FBXO34: variants seen among roughly 807,000 people sequenced by gnomAD.
FBXO34 encodes F-box only protein 34.
FBXO34 carries 12 observed loss-of-function variants against 24.5 expected under a neutral mutation model. The ratio of observed to expected loss-of-function variants is 0.49; its 90% CI spans 0.31 to 0.79. The LOEUF (loss-of-function observed/expected upper bound fraction) is 0.79. Ranked by LOEUF, FBXO34 falls within the 30% of genes least tolerant of loss-of-function variation. The pLI, the probability that FBXO34 is intolerant of heterozygous loss-of-function variation, is 0.04. For synonymous variants in FBXO34, 320 were observed against 311.9 expected (o/e 1.03, Z -0.27); for missense variants, 823 against 857.7 (o/e 0.96, Z 0.51).
chr14:55,369,700 C>G (rs762239984), downstream of FBXO34: 5 of 1,606,212 alleles, frequency 3.1e-6, no homozygotes, highest in Admixed American at 1.7e-5. Flanking sequence ...CACTGCTGCT[C>G]GCGATGGGTG....
chr14:55,367,759 C>CGGTG (rs1566574844), exon 3 of FBXO34: 6 of 151,536 alleles, frequency 4.0e-5, no homozygotes, highest in Non-Finnish European at 8.8e-5. Flanking sequence ...AAAAAAAAGA[C>CGGTG]CACCCACAAC....
At chr14:55,437,024 C>T in the FBXO34 span, 8 of 1,612,306 alleles carry the variant, frequency 5.0e-6, no homozygotes, top group Admixed American at 8.3e-5. Flanking sequence ...CCATCCTAGG[C>T]AGTTCCCAAA....
At chr14:55,374,872 A>G (rs1884889129), downstream of FBXO34, among the ~76,000 whole-genome samples, 1 of 152,192 alleles carries the variant, frequency 6.6e-6, no homozygotes, top group Non-Finnish European at 1.5e-5. Flanking sequence ...ACCTATTTGC[A>G]TGCTAACAGC....
At chr14:55,416,989 T>A in the FBXO34 span, among the ~76,000 whole-genome samples, 2 of 152,162 alleles carry the variant, frequency 1.3e-5, no homozygotes, top group African/African-American at 4.8e-5. Flanking sequence ...AGACCGAAAA[T>A]CATAACTAAG....
intron 1 of FBXO34, among the ~76,000 whole-genome samples, chr14:55,309,969 G>A (rs960744708): frequency 1.3e-5 from 2 of 152,126 alleles, no homozygotes; most frequent in African/African-American, 4.8e-5. Context: ...TTTTAATAGT[G>A]ATAATGAGGC....
At chr14:55,371,497 G>C (rs59593395), downstream of FBXO34, among the ~76,000 whole-genome samples, 4 of 152,138 alleles carry the variant, frequency 2.6e-5, no homozygotes, top group African/African-American at 9.7e-5. Flanking sequence ...TCTCCAGTGA[G>C]CAATTTACAT....
At position 55,324,719 on chromosome 14, in the gene FBXO34, G is replaced by A. The variant is rs183466948; in HGVS notation, c.-10-25662G>A. On this transcript the variant is annotated intron_variant, in intron 1 of 1. Transcript: ENST00000313833. ...TGTATGCTATTTTCTGTTTCTGATG[G>A]GTGCCTTTTATTAAAGGAAAAGAAG... Among the ~76,000 whole-genome samples, 53 of 152,016 alleles carry A rather than the reference G, an allele frequency of 3.5e-4. 1 individual carries two copies. In the East Asian group the frequency reaches 8.5e-3, roughly 24 times the overall value.
At chr14:55,304,227 A>G (rs914436467) in intron 1 of FBXO34, among the ~76,000 whole-genome samples, 2 of 152,196 alleles carry the variant, frequency 1.3e-5, no homozygotes, top group Admixed American at 6.5e-5. Flanking sequence ...TCTACCATGT[A>G]TTGAGTGCTG....
the FBXO34 span, among the ~76,000 whole-genome samples, chr14:55,417,544 C>T: frequency 6.6e-6 from 1 of 151,568 alleles, no homozygotes; most frequent in Non-Finnish European, 1.5e-5. Flanking sequence ...ACCTCTGCCT[C>T]CTGGGTTTGG....
chr14:55,369,309 A>T, downstream of FBXO34: 1 of 214,340 alleles, frequency 4.7e-6, no homozygotes. Flanking sequence ...GCCCGGGCCC[A>T]GAGGGAACCC....
the FBXO34 span, chr14:55,440,286 G>T: frequency 2.9e-6 from 4 of 1,357,820 alleles, no homozygotes; most frequent in Non-Finnish European, 4.1e-6. Context: ...GGGAAACCAA[G>T]CCCGCCTCTT....
At position 55,352,199 on chromosome 14, in the gene FBXO34, C is replaced by T. The variant is rs753284118; in HGVS notation, c.1809C>T (p.Cys603=). The T allele has an allele frequency of 6.2e-6, 10 of 1,614,134 alleles. No individual in the cohort carries two copies. The highest frequency in any genetic ancestry group is 1.7e-5 in the Admixed American group (1 of 60,026). The change falls in exon 2 of 2, where the codon TGC becomes TGT. Residue 603 remains cysteine (C), a synonymous_variant. Transcript: ENST00000313833. ...TAGTGGCCCTTAAATGTACCTGCTG[C>T]TATTTCAAGTTTATCATTGAGTACT... ...KSLVALKCTC[C]YFKFIIEYYN...
chr14:55,391,050 A>G, the FBXO34 span: 1 of 1,159,682 alleles, frequency 8.6e-7, no homozygotes, highest in South Asian at 1.4e-5. Flanking sequence ...TAATATGATT[A>G]TCTACCTGGG....
chr14:55,391,013 A>T, the FBXO34 span: 1 of 1,567,384 alleles, frequency 6.4e-7, no homozygotes. Context: ...CATGTAATAA[A>T]TATCACAAAC....
At chr14:55,369,747 C>T, downstream of FBXO34, 1 of 1,614,102 alleles carries the variant, frequency 6.2e-7, no homozygotes, top group Non-Finnish European at 8.5e-7. Context: ...GAGACTTCCA[C>T]AGACTGGGAA....
intron 1 of FBXO34, among the ~76,000 whole-genome samples, chr14:55,341,240 T>C (rs1883981422): frequency 6.6e-6 from 1 of 152,170 alleles, no homozygotes; most frequent in East Asian, 1.9e-4. Context: ...GGATTCTTGC[T>C]GAAGACAAGC....
chr14:55,431,458 A>C, the FBXO34 span, among the ~76,000 whole-genome samples: 1 of 152,256 alleles, frequency 6.6e-6, no homozygotes, highest in Non-Finnish European at 1.5e-5. Context: ...CTTTCAGCTC[A>C]GTATGTGTAC....
At chr14:55,424,069 A>G in the FBXO34 span, 1 of 873,052 alleles carries the variant, frequency 1.1e-6, no homozygotes, top group Middle Eastern at 2.4e-4. Context: ...GAATTACTTT[A>G]CCATGGTGAA....
chr14:55,283,010 G>A (rs1881612132), intron 1 of FBXO34, among the ~76,000 whole-genome samples: 1 of 152,252 alleles, frequency 6.6e-6, no homozygotes, highest in Non-Finnish European at 1.5e-5. Context: ...TTCTCTGGAG[G>A]TTGTCAGTAC....
Sources: allele counts gnomAD v4.1 joint callset (sites outside exome capture counted in the v4.1 genomes callset), GRCh38; gene constraint gnomAD v4.1.1; transcripts MANE v1.5; gene names NCBI Gene and HGNC (gene_info 2026-07-23, HGNC 2026-07-21).